The following KLHL4 variants were observed in gnomAD, a reference collection of about 807,000 sequenced individuals.
The protein encoded by KLHL4 is kelch like family member 4.
In KLHL4, 17 loss-of-function variants were observed where a neutral mutation model predicts 45.8. That is an observed-to-expected ratio of 0.37 (90% CI 0.25 to 0.56). The LOEUF (loss-of-function observed/expected upper bound fraction) is 0.56. Ranked by LOEUF, KLHL4 falls within the 20% of genes least tolerant of loss-of-function variation. The pLI is 0.79. For missense variants in KLHL4, 544 were observed against 544.9 expected (o/e 1.00, Z 0.02); for synonymous variants, 224 against 189.9 (o/e 1.18, Z -1.47).
chrX:87,622,903 T>C (rs112694759), intron 5 of KLHL4, among the ~76,000 whole-genome samples: 1 of 111,828 alleles, frequency 8.9e-6, no homozygotes, highest in Non-Finnish European at 1.9e-5. Context: ...ACCATATATG[T>C]TGAATTGAAG....
chrX:87,628,309 A>G (rs765603820), intron 6 of KLHL4, among the ~76,000 whole-genome samples: 1 of 104,240 alleles, frequency 9.6e-6, no homozygotes, highest in East Asian at 3.0e-4. Flanking sequence ...CACTGCCACT[A>G]TTACAGACAA....
chrX:87,651,941 C>G (rs1230918085), intron 9 of KLHL4, among the ~76,000 whole-genome samples: 1 of 112,607 alleles, frequency 8.9e-6, no homozygotes, highest in Admixed American at 9.4e-5. Context: ...TTTGAGGGCC[C>G]TATTCCTGCA....
chrX:87,523,980 A>C (rs1206284625), intron 1 of KLHL4, among the ~76,000 whole-genome samples: 1 of 111,330 alleles, frequency 9.0e-6, no homozygotes, highest in South Asian at 3.7e-4. Context: ...TAAATAAATA[A>C]AAATAAATAA....
At chrX:87,569,178 C>T (rs903210197) in intron 1 of KLHL4, among the ~76,000 whole-genome samples, 2 of 111,176 alleles carry the variant, frequency 1.8e-5, no homozygotes, top group African/African-American at 6.5e-5. Flanking sequence ...ATTTCTTCAA[C>T]GAAGATATAC....
At chrX:87,616,887 A>T (rs1569354302) in intron 3 of KLHL4, among the ~76,000 whole-genome samples, 1 of 111,354 alleles carries the variant, frequency 9.0e-6, no homozygotes, top group African/African-American at 3.3e-5. Flanking sequence ...TTACAGGTTG[A>T]ACTATGTATA....
chrX:87,635,653 T>C lies in KLHL4; in HGVS notation c.1803T>C (p.Ala601=). ...DPHTNKWSLC[A]PMSKRRGGVG... ...ACACTAACAAGTGGAGTTTGTGTGC[T>C]CCAATGTCCAAAAGACGTGGAGGTG... Residue 601 remains alanine (A), a synonymous_variant, in exon 9 of 11, where the codon GCT becomes GCC. Coordinates refer to ENST00000373119, the MANE Select transcript of KLHL4 (RefSeq NM_019117.5). 8.3e-7 allele frequency: 1 copy of C among 1,210,056 alleles called. No individual in the cohort carries two copies. Among genetic ancestry groups the C allele is most frequent in the Admixed American group, 2.2e-5 (1 of 46,068 alleles).
intron 3 of KLHL4, 93 bp downstream of exon 3, chrX:87,614,663 T>A: frequency 1.3e-6 from 1 of 794,575 alleles, no homozygotes. Flanking sequence ...CTACTAATAC[T>A]ACTACTATTC....
chrX:87,564,348 A>T (rs1932164619), intron 1 of KLHL4, among the ~76,000 whole-genome samples: 1 of 109,761 alleles, frequency 9.1e-6, no homozygotes, highest in East Asian at 3.0e-4. Context: ...TTACTTTTCA[A>T]TTAGAGTTAA....
Position 87,668,992 on chromosome X carries a change from C to T in KLHL4, c.*2458C>T. On this transcript the variant is annotated 3_prime_UTR_variant, in exon 11 of 11. Transcript: ENST00000373119. ...TATGAGCCATCAGAATAGAGACCTG[C>T]AGAGGCCCAGGGCACTCAAACATAA... 1 of 791,029 alleles carries T rather than the reference C, an allele frequency of 1.3e-6. No individual in the cohort carries two copies. The highest frequency in any genetic ancestry group is 1.5e-6 in the Non-Finnish European group (1 of 663,204). The allele number at this position is 791,029 out of a possible 1,213,427, so 65.2% of individuals were successfully genotyped here.
intron 1 of KLHL4, among the ~76,000 whole-genome samples, chrX:87,537,155 G>A (rs1931448633): frequency 9.0e-6 from 1 of 110,961 alleles, no homozygotes; most frequent in African/African-American, 3.3e-5. Context: ...CTACAATACT[G>A]GAAAATAATG....
chrX:87,555,555 G>A (rs9698720), intron 1 of KLHL4, among the ~76,000 whole-genome samples: 17 of 107,866 alleles, frequency 1.6e-4, no homozygotes, highest in African/African-American at 5.4e-4. Context: ...CTGTGGGATC[G>A]GTGGTGATAT....
Position 87,614,042 on chromosome X carries a change from T to C in KLHL4, c.588T>C (p.His196=). 8.4e-7 allele frequency: 1 copy of C among 1,192,203 alleles called. No homozygotes were observed. Among genetic ancestry groups the C allele is most frequent in the Non-Finnish European group, 1.1e-6 (1 of 884,228 alleles). The change falls in exon 2 of 11, where the codon CAT becomes CAC. Residue 196 remains histidine (H), a splice_region_variant and synonymous_variant. Transcript: ENST00000373119. ...LIAGHLRIPA[H]RLVLSAVSDY... is the part of the protein sequence containing the mutation. Reference sequence around the variant, plus strand: ...CAGGACACCTCCGCATCCCAGCCCATAGGTAAGTATTTTTATGTATACAGA... The same window carrying C: ...CAGGACACCTCCGCATCCCAGCCCACAGGTAAGTATTTTTATGTATACAGA...
At position 87,666,598 on chromosome X, in the gene KLHL4, G is replaced by A; in HGVS notation, c.*64G>A. ...TTTCAAGAAACTGAGTAGGACAAAG[G>A]GAGAAAGAAATACATGTTCTTTTTC... On this transcript the variant is annotated 3_prime_UTR_variant, in exon 11 of 11. Transcript: ENST00000373119. The A allele has an allele frequency of 9.4e-7, 1 of 1,067,461 alleles. No homozygotes were observed. The highest frequency in any genetic ancestry group is 2.8e-5 in the South Asian group (1 of 36,084). 88.0% of individuals were successfully genotyped at this position (1,067,461 alleles called of 1,213,427 possible).
chrX:87,556,160 AGGTGT>A lies in KLHL4; in HGVS notation c.422+37860_422+37864del, dbSNP rs903440309. On this transcript the variant is annotated intron_variant, in intron 1 of 10. Transcript: ENST00000373119. ...CCAACTATATGGTCAATTTTGGAAT[AGGTGT>A]GGTGTGGTGTGGTGCCAAAGGACTA... 2.2e-3 allele frequency among the ~76,000 whole-genome samples: 243 copies of A among 111,030 alleles called. 5 individuals are homozygous for A. Among genetic ancestry groups the A allele is most frequent in the Middle Eastern group, 0.014 (3 of 217 alleles).
rs1924380958 is a variant in KLHL4, at chrX:87,666,704, C to T, written c.*170C>T. 1.2e-5 allele frequency: 12 copies of T among 971,783 alleles called. No individual in the cohort carries two copies. Among genetic ancestry groups the T allele is most frequent in the South Asian group, 4.0e-5 (1 of 25,200 alleles). The allele number at this position is 971,783 out of a possible 1,213,427, so 80.1% of individuals were successfully genotyped here. A position where few individuals can be genotyped will look rare whatever the true frequency, so the allele number is the denominator to read the frequency against. On this transcript the variant is annotated 3_prime_UTR_variant, in exon 11 of 11. Transcript: ENST00000373119. Reference sequence around the variant, plus strand: ...ATTGCTTTCATTCGTGAAGCCGAAACGTTTTTAAACATGAATTACATATGA... The same window carrying T: ...ATTGCTTTCATTCGTGAAGCCGAAATGTTTTTAAACATGAATTACATATGA...
intron 10 of KLHL4, among the ~76,000 whole-genome samples, chrX:87,665,951 A>G (rs1047209062): frequency 8.9e-6 from 1 of 111,800 alleles, no homozygotes; most frequent in Non-Finnish European, 1.9e-5. Context: ...GAAGGAAAAA[A>G]AATATCATGC....
At chrX:87,605,739 G>T (rs187017654) in intron 1 of KLHL4, among the ~76,000 whole-genome samples, 167 of 110,500 alleles carry the variant, frequency 1.5e-3, no homozygotes, top group African/African-American at 5.3e-3. Flanking sequence ...TGCCTAATTG[G>T]TCTGGCTAGG....
chrX:87,651,494 G>A (rs142079171), intron 9 of KLHL4, among the ~76,000 whole-genome samples: 9,641 of 112,373 alleles, frequency 0.086, 1,021 homozygotes, highest in African/African-American at 0.29. Flanking sequence ...CCTAGATACA[G>A]TGGTGGTACA....
Position 87,666,968 on chromosome X carries a change from C to T in KLHL4, c.*434C>T, listed in dbSNP as rs1304984153. ...TGGAACATAGAAATATAAAAGGTAA[C>T]ATCTAAAGCTTAGAATAGTGTGATT... is the stretch of plus-strand genomic sequence containing the variant. On this transcript the variant is annotated 3_prime_UTR_variant, in exon 11 of 11. Transcript: ENST00000373119. The T allele has an allele frequency of 4.3e-6, 3 of 689,676 alleles. No individual in the cohort carries two copies. The highest frequency in any genetic ancestry group is 3.1e-4 in the East Asian group (2 of 6,408). 56.8% of individuals were successfully genotyped at this position (689,676 alleles called of 1,213,427 possible). A position where few individuals can be genotyped will look rare whatever the true frequency, so the allele number is the denominator to read the frequency against.
Sources: allele counts gnomAD v4.1 joint callset (sites outside exome capture counted in the v4.1 genomes callset), GRCh38; gene constraint gnomAD v4.1.1; transcripts MANE v1.5; gene names NCBI Gene and HGNC (gene_info 2026-07-23, HGNC 2026-07-21).